The following PSMC6 variants were observed in gnomAD, a reference collection of about 807,000 sequenced individuals.
PSMC6 encodes the protein 26S proteasome regulatory subunit 10B.
PSMC6 carries 3 observed loss-of-function variants against 55.9 expected under a neutral mutation model. That is an observed-to-expected ratio of 0.05 (90% CI 0.02 to 0.14). The LOEUF is 0.14. Ranked by LOEUF, PSMC6 falls within the 10% of genes least tolerant of loss-of-function variation. PSMC6 has a pLI of 1.00. For synonymous variants in PSMC6, 137 were observed against 155.9 expected, an observed-to-expected ratio of 0.88 and a Z score of 0.90; for missense variants, 210 against 478.7, an observed-to-expected ratio of 0.44 and a Z score of 5.24.
At chr14:52,717,986 C>A in intron 7 of PSMC6, 95 bp from the exon 8 acceptor site, 1 of 1,175,016 alleles carries the variant, frequency 8.5e-7, no homozygotes, top group Non-Finnish European at 1.3e-6. Context: ...TGTGATCTCG[C>A]CACACTCCAG....
chr14:52,710,746 C>T (rs895539787), intron 4 of PSMC6: 2 of 288,054 alleles, frequency 6.9e-6, no homozygotes, highest in African/African-American at 4.5e-5. Flanking sequence ...GATGAGCACA[C>T]CTTTAAAATG....
At chr14:52,712,772 A>C (rs2041788001) in intron 6 of PSMC6, among the ~76,000 whole-genome samples, 1 of 151,932 alleles carries the variant, frequency 6.6e-6, no homozygotes, top group Non-Finnish European at 1.5e-5. Context: ...ATGCGCCACC[A>C]CATGTGACTA....
chr14:52,710,977 A>G, intron 4 of PSMC6, 124 bp from the exon 5 acceptor site: 2 of 779,526 alleles, frequency 2.6e-6, no homozygotes, highest in Non-Finnish European at 4.2e-6. Context: ...AGAGTTTATA[A>G]TCTGATATTT....
chr14:52,708,413 G>A (rs1371457887), intron 2 of PSMC6, 25 bp downstream of exon 2: 4 of 1,612,014 alleles, frequency 2.5e-6, no homozygotes, highest in Middle Eastern at 1.7e-4. Context: ...TTGGGGAATA[G>A]GGGGTGATGG....
At chr14:52,723,249 C>G (rs984973201) in intron 12 of PSMC6, 15 of 152,202 alleles carry the variant, frequency 9.9e-5, no homozygotes, top group African/African-American at 3.6e-4. Context: ...CCCTATATTG[C>G]CTGACCAAAC....
At chr14:52,720,222 C>CAAAAAAAA (rs34123680) in intron 10 of PSMC6, among the ~76,000 whole-genome samples, 3 of 62,372 alleles carry the variant, frequency 4.8e-5, no homozygotes, top group East Asian at 4.4e-4. Context: ...AGTCTGTCTC[C>CAAAAAAAA]AAAAAAAAAA....
rs548002679 is a variant in PSMC6 at position 52,720,718 on chromosome 14, A to T, written c.778-143A>T. ...ATCCCTTTATATAAGAGAGAGAAAA[A>T]GAATTCTATCAAATGACCATTCTGA... On this transcript the variant is annotated intron_variant, in intron 10 of 13. Transcript: ENST00000445930. 1.7e-5 allele frequency: 11 copies of T among 652,340 alleles called. No individual in the cohort carries two copies. In the South Asian group the frequency reaches 3.0e-4, roughly 18 times the overall value. The allele number at this position is 652,340 out of a possible 1,614,324, so 40.4% of individuals were successfully genotyped here.
At position 52,718,442 on chromosome 14, in the gene PSMC6, G is replaced by A. The variant is rs538738050; in HGVS notation, c.715+90G>A. The A allele has an allele frequency of 5.4e-4, 720 of 1,332,424 alleles. 10 individuals carry two copies. The South Asian group carries it at 8.0e-3, about 15-fold the overall frequency. The allele number at this position is 1,332,424 out of a possible 1,614,324, so 82.5% of individuals were successfully genotyped here. ...CTCTCTTAATCTGTAATTGTGACTT[G>A]TATGAAGTAGATACCACAATGAATC... On this transcript the variant is annotated intron_variant, in intron 9 of 13. Transcript: ENST00000445930.
chr14:52,715,738 T>C (rs887015155), intron 7 of PSMC6, among the ~76,000 whole-genome samples: 2 of 151,668 alleles, frequency 1.3e-5, no homozygotes, highest in Admixed American at 6.6e-5. Flanking sequence ...CACCTCAGCC[T>C]CCTGAGTAGC....
At chr14:52,721,557 T>A (rs1465636870) in intron 12 of PSMC6, 2 of 159,684 alleles carry the variant, frequency 1.3e-5, no homozygotes, top group East Asian at 3.7e-4. Flanking sequence ...TCCTAATGGT[T>A]TTGGAGGCCG....
At chr14:52,721,330 C>T (rs2041888065) in intron 12 of PSMC6, 140 bp downstream of exon 12, 1 of 698,148 alleles carries the variant, frequency 1.4e-6, no homozygotes, top group Admixed American at 3.5e-5. Context: ...AGTTATTGAG[C>T]ATCTACTATA....
intron 13 of PSMC6, among the ~76,000 whole-genome samples, chr14:52,726,504 C>T (rs1055525908): frequency 1.3e-5 from 2 of 152,072 alleles, no homozygotes; most frequent in African/African-American, 2.4e-5. Context: ...AAATGTGTGC[C>T]TTCCAGCAAA....
At chr14:52,711,233 T>C (rs1212470280) in intron 5 of PSMC6, 65 bp downstream of exon 5, 17 of 1,461,904 alleles carry the variant, frequency 1.2e-5, no homozygotes, top group East Asian at 2.3e-5. Context: ...ATCTGAGATA[T>C]ATGCTTCTTG....
At position 52,728,326 on chromosome 14, in the gene PSMC6, A is replaced by G. The variant is rs1442032055; in HGVS notation, c.*709A>G. Reference sequence around the variant, plus strand: ...ATATGTGACTGGGTTTTCTTGGTTTATGTAAGACGATAGGTCCCTGTTGAG... The same window carrying G: ...ATATGTGACTGGGTTTTCTTGGTTTGTGTAAGACGATAGGTCCCTGTTGAG... On this transcript the variant is annotated 3_prime_UTR_variant, in exon 14 of 14. Transcript: ENST00000445930. 1 of 152,220 alleles carries G rather than the reference A, an allele frequency of 6.6e-6. No homozygotes were observed. The highest frequency in any genetic ancestry group is 2.4e-5 in the African/African-American group (1 of 41,462). The allele number at this position is 152,220 out of a possible 1,614,324, so 9.4% of individuals were successfully genotyped here.
chr14:52,726,836 T>G (rs1028001458), intron 13 of PSMC6, among the ~76,000 whole-genome samples: 2 of 151,788 alleles, frequency 1.3e-5, no homozygotes, highest in Non-Finnish European at 2.9e-5. Context: ...GAAACGGGGT[T>G]TTACCATGTT....
intron 6 of PSMC6, among the ~76,000 whole-genome samples, chr14:52,712,739 C>G (rs2041787673): frequency 1.3e-5 from 2 of 152,010 alleles, no homozygotes; most frequent in Admixed American, 6.6e-5. Context: ...CCTCTCACCT[C>G]ACCCTCCCAA....
chr14:52,725,551 A>T (rs1880375831), intron 13 of PSMC6, among the ~76,000 whole-genome samples: 1 of 152,024 alleles, frequency 6.6e-6, no homozygotes, highest in South Asian at 2.1e-4. Context: ...TTTTCTTTTG[A>T]GACGGAGTCT....
intron 10 of PSMC6, 40 bp from the exon 11 acceptor site, chr14:52,720,821 G>A (rs761838044): frequency 1.3e-6 from 2 of 1,514,468 alleles, no homozygotes; most frequent in Admixed American, 3.6e-5. Context: ...TTTTTTTAAT[G>A]GTTAGAATTT....
chr14:52,715,562 T>G (rs2041821354), intron 7 of PSMC6, among the ~76,000 whole-genome samples: 3 of 152,190 alleles, frequency 2.0e-5, no homozygotes, highest in Admixed American at 1.3e-4. Context: ...TTAGAATTTT[T>G]AGAAACATAT....
Sources: allele counts gnomAD v4.1 joint callset (sites outside exome capture counted in the v4.1 genomes callset), GRCh38; gene constraint gnomAD v4.1.1; transcripts MANE v1.5; gene names NCBI Gene and HGNC (gene_info 2026-07-23, HGNC 2026-07-21).